TENM3: variants seen among roughly 807,000 people sequenced by gnomAD.
The protein encoded by TENM3 is teneurin transmembrane protein 3, also known as teneurin-3.
A neutral mutation model predicts 255.1 loss-of-function variants in TENM3; 63 were observed. That is an observed-to-expected ratio of 0.25 (90% CI 0.20 to 0.30). TENM3 has a LOEUF of 0.30. TENM3 is among the 10% of genes least tolerant of loss of function. TENM3 has a pLI of 1.00. For missense variants in TENM3, 2,929 were observed against 3,461.1 expected (o/e 0.85, Z 3.86); for synonymous variants, 1,306 against 1,322.3 (o/e 0.99, Z 0.27).
At chr4:181,939,107 C>T in the TENM3 span, among the ~76,000 whole-genome samples, 32 of 152,148 alleles carry the variant, frequency 2.1e-4, 1 homozygote, top group Admixed American at 3.9e-4. Context: ...ATAATTATAA[C>T]AGTAATCTTG....
At chr4:182,120,444 CATAT>C in the TENM3 span, among the ~76,000 whole-genome samples, 96 of 152,106 alleles carry the variant, frequency 6.3e-4, no homozygotes, top group Middle Eastern at 3.4e-3. Flanking sequence ...TATGTACCTA[CATAT>C]ATATGTGTGT....
At chr4:182,290,231 A>T (rs890733234) in intron 1 of TENM3, among the ~76,000 whole-genome samples, 1 of 152,140 alleles carries the variant, frequency 6.6e-6, no homozygotes, top group Non-Finnish European at 1.5e-5. Context: ...TGAATGAGTG[A>T]TGAGTGAACG....
chr4:182,650,890 ATATATATATAT>A (rs1448015503), intron 5 of TENM3, among the ~76,000 whole-genome samples: 1 of 32,998 alleles, frequency 3.0e-5, no homozygotes. Context: ...ATAAAAAAAA[ATATATATATAT>A]ATATATATAT....
At chr4:181,806,575 C>T in the TENM3 span, among the ~76,000 whole-genome samples, 4 of 152,252 alleles carry the variant, frequency 2.6e-5, no homozygotes, top group Admixed American at 2.6e-4. Flanking sequence ...CTCTTCCACC[C>T]TCCTGCCCTG....
intron 1 of TENM3, among the ~76,000 whole-genome samples, chr4:182,316,415 G>A (rs1036337223): frequency 4.0e-5 from 6 of 151,886 alleles, no homozygotes; most frequent in African/African-American, 1.5e-4. Context: ...GGCCTTGTGT[G>A]AGCCCTGTAT....
chr4:181,528,486 GA>G, the TENM3 span, among the ~76,000 whole-genome samples: 1 of 152,168 alleles, frequency 6.6e-6, no homozygotes, highest in Non-Finnish European at 1.5e-5. Context: ...AGCACAGGAA[GA>G]GCTAAATTAT....
chr4:182,317,665 T>A (rs1762827815), intron 1 of TENM3, among the ~76,000 whole-genome samples: 1 of 152,098 alleles, frequency 6.6e-6, no homozygotes, highest in South Asian at 2.1e-4. Context: ...GTTCTACTAT[T>A]TGAAACTATA....
chr4:181,724,802 A>T, the TENM3 span, among the ~76,000 whole-genome samples: 1 of 152,164 alleles, frequency 6.6e-6, no homozygotes, highest in African/African-American at 2.4e-5. Context: ...GCTGCCTTTT[A>T]TTGCAATTTC....
intron 18 of TENM3, among the ~76,000 whole-genome samples, chr4:182,742,729 G>A (rs72997125): frequency 5.9e-5 from 9 of 152,154 alleles, no homozygotes; most frequent in Admixed American, 1.3e-4. Flanking sequence ...CTGGTTGCAC[G>A]TTAAGATCAT....
chr4:182,347,340 T>A (rs947623594), intron 3 of TENM3, among the ~76,000 whole-genome samples: 1 of 152,222 alleles, frequency 6.6e-6, no homozygotes, highest in African/African-American at 2.4e-5. Context: ...CTTTGTAGAT[T>A]CCTCTTGAAG....
chr4:181,930,386 C>T, the TENM3 span, among the ~76,000 whole-genome samples: 1 of 152,166 alleles, frequency 6.6e-6, no homozygotes, highest in African/African-American at 2.4e-5. Context: ...ATACTACAAA[C>T]ACCTCTAGGC....
chr4:181,778,038 A>G, the TENM3 span, among the ~76,000 whole-genome samples: 1 of 152,162 alleles, frequency 6.6e-6, no homozygotes, highest in Admixed American at 6.6e-5. Context: ...CCATGTCTGC[A>G]CAGGATTCAT....
the TENM3 span, among the ~76,000 whole-genome samples, chr4:181,581,040 T>C: frequency 1.3e-5 from 2 of 152,158 alleles, no homozygotes; most frequent in African/African-American, 4.8e-5. Context: ...TTTTTCCCCA[T>C]GCTTCTCAGC....
intron 6 of TENM3, among the ~76,000 whole-genome samples, chr4:182,656,941 A>G (rs941224607): frequency 6.6e-6 from 1 of 152,194 alleles, no homozygotes; most frequent in Admixed American, 6.5e-5. Context: ...GAGATGAGTT[A>G]TCAGAAGCGT....
At chr4:182,242,486 C>A (rs937687408), upstream of TENM3, among the ~76,000 whole-genome samples, 1 of 152,114 alleles carries the variant, frequency 6.6e-6, no homozygotes, top group African/African-American at 2.4e-5. Context: ...GGTGGCCCAG[C>A]ACGGTGGCTC....
chr4:182,786,922 A>C (rs928761252), intron 24 of TENM3, among the ~76,000 whole-genome samples: 2 of 152,248 alleles, frequency 1.3e-5, no homozygotes, highest in African/African-American at 4.8e-5. Context: ...AAGAGCCCTA[A>C]GAAAACCATT....
chr4:181,802,389 C>T, the TENM3 span, among the ~76,000 whole-genome samples: 8 of 152,156 alleles, frequency 5.3e-5, no homozygotes, highest in Non-Finnish European at 1.0e-4. Context: ...GCCCATAAAA[C>T]GTGTTGTGTT....
the TENM3 span, among the ~76,000 whole-genome samples, chr4:181,728,019 C>T: frequency 6.6e-6 from 1 of 152,174 alleles, no homozygotes; most frequent in Admixed American, 6.5e-5. Flanking sequence ...GATTTTCCCA[C>T]TGAAATCAGA....
the TENM3 span, among the ~76,000 whole-genome samples, chr4:181,577,944 G>T: frequency 1.2e-4 from 18 of 152,056 alleles, 1 homozygote; most frequent in Admixed American, 1.2e-3. Flanking sequence ...TTTTCCTCCA[G>T]TCTGTCAATC....
Sources: gnomAD v4.1 joint callset for allele counts (sites outside exome capture counted in the v4.1 genomes callset) on GRCh38, gnomAD v4.1.1 for gene constraint, MANE v1.5 for transcripts, NCBI Gene and HGNC (gene_info 2026-07-23, HGNC 2026-07-21) for gene names.